Variants in SLIT3 observed in about 807,000 individuals in gnomAD.
The protein encoded by SLIT3 is slit homolog 3 protein.
A neutral mutation model predicts 184.0 loss-of-function variants in SLIT3; 68 were observed. That is an observed-to-expected ratio of 0.37 (90% CI 0.30 to 0.45). The LOEUF (loss-of-function observed/expected upper bound fraction) is 0.45. Ranked by LOEUF, SLIT3 falls within the 20% of genes least tolerant of loss-of-function variation. The pLI is 1.00. For missense variants in SLIT3, 1,707 were observed against 2,026.0 expected (o/e 0.84, Z 3.02); for synonymous variants, 831 against 828.6 (o/e 1.00, Z -0.05).
intron 3 of SLIT3, among the ~76,000 whole-genome samples, chr5:169,222,600 A>G (rs1301587425): frequency 6.6e-6 from 1 of 152,236 alleles, no homozygotes; most frequent in Non-Finnish European, 1.5e-5. Context: ...AGCTACTGAA[A>G]AAAACACCTC....
At position 168,749,493 on chromosome 5, in the gene SLIT3, T is replaced by A. The variant is rs1192527289; in HGVS notation, c.2116A>T (p.Ile706Phe). The A allele has an allele frequency of 1.9e-6, 3 of 1,614,054 alleles. No individual in the cohort carries two copies. In the African/African-American group the frequency reaches 4.0e-5, roughly 22 times the overall value. ...TTACCATCACAGGTGAAGTCCTGGA[T>A]GGCCACATCCTGGATGGGAATCTCC... ...LKEIPIQDVA[I>F]QDFTCDGNEE... The change falls in exon 19 of 36, where the codon ATC becomes TTC. Residue 706 changes from isoleucine (I) to phenylalanine (F), a missense_variant. Around this residue, in one of 3 missense-constraint regions of SLIT3, gnomAD observed 1,307 missense variants for 1,511.6 expected, o/e 0.86. Transcript: ENST00000519560.
chr5:169,032,067 C>T (rs1372837602), intron 4 of SLIT3, among the ~76,000 whole-genome samples: 1 of 152,130 alleles, frequency 6.6e-6, no homozygotes, highest in African/African-American at 2.4e-5. Context: ...GGCCACATAA[C>T]CAACCCCTCT....
intron 4 of SLIT3, among the ~76,000 whole-genome samples, chr5:168,990,240 C>G (rs992924751): frequency 6.6e-6 from 1 of 152,222 alleles, no homozygotes; most frequent in Non-Finnish European, 1.5e-5. Flanking sequence ...TTCCCACAAT[C>G]TCTCCTCTCT....
At chr5:169,176,808 G>T (rs550546799) in intron 4 of SLIT3, among the ~76,000 whole-genome samples, 1 of 152,288 alleles carries the variant, frequency 6.6e-6, no homozygotes, top group South Asian at 2.1e-4. Flanking sequence ...ACAGGCTGTA[G>T]TCTGCCCAGG....
chr5:168,784,922 C>A (rs947605992), intron 12 of SLIT3, among the ~76,000 whole-genome samples: 1 of 150,550 alleles, frequency 6.6e-6, no homozygotes, highest in South Asian at 2.1e-4. Context: ...TGCAAACATA[C>A]ATCATGTGCT....
intron 20 of SLIT3, among the ~76,000 whole-genome samples, chr5:168,743,163 C>T (rs955071630): frequency 9.2e-5 from 14 of 152,104 alleles, no homozygotes; most frequent in Non-Finnish European, 1.6e-4. Context: ...GAGTCTGGGT[C>T]GCGTTCTGTC....
Position 168,710,895 on chromosome 5 carries a change from C to T in SLIT3, c.2719G>A (p.Gly907Arg). Residue 907 changes from glycine (G) to arginine (R), a missense_variant and splice_region_variant, in exon 25 of 36, where the codon GGG (glycine) becomes AGG (arginine). By Grantham distance (125) the Gly-to-Arg change is moderately radical (BLOSUM62 -2). Transcript: ENST00000519560. ...AGGGTGGGGTGTGGGCGTCACCTAC[C>T]TTTGCACTGGAAGCGGTGGGTTGGG... ...TTPTHRFQCKGPVDINIVAKC... is the reference protein window; with the variant it reads ...TTPTHRFQCKRPVDINIVAKC... 2.6e-6 allele frequency: 4 copies of T among 1,538,760 alleles called. No individual in the cohort carries two copies. Among genetic ancestry groups the T allele is most frequent in the Non-Finnish European group, 3.5e-6 (4 of 1,138,442 alleles).
intron 4 of SLIT3, among the ~76,000 whole-genome samples, chr5:168,899,957 G>T (rs554218066): frequency 2.3e-4 from 35 of 152,236 alleles, no homozygotes; most frequent in Non-Finnish European, 1.3e-4. Flanking sequence ...CCACACAGAG[G>T]CCCCGGGAAA....
chr5:169,069,180 T>A (rs1287400162), intron 4 of SLIT3, among the ~76,000 whole-genome samples: 2 of 152,186 alleles, frequency 1.3e-5, no homozygotes, highest in African/African-American at 4.8e-5. Context: ...GAAAGTGAGT[T>A]TGGCACATAT....
At chr5:169,170,305 G>A (rs75957250) in intron 4 of SLIT3, among the ~76,000 whole-genome samples, 4,452 of 152,204 alleles carry the variant, frequency 0.029, 87 homozygotes, top group South Asian at 0.095. Flanking sequence ...AAAAGACTGC[G>A]GAAATATCAA....
intron 9 of SLIT3, among the ~76,000 whole-genome samples, chr5:168,797,458 C>T (rs1302348366): frequency 1.3e-5 from 2 of 152,244 alleles, no homozygotes. Context: ...CTGCTCCCAA[C>T]TGCAGGCCAA....
At chr5:169,044,299 T>C (rs1757548835) in intron 4 of SLIT3, among the ~76,000 whole-genome samples, 2 of 152,140 alleles carry the variant, frequency 1.3e-5, no homozygotes, top group South Asian at 4.1e-4. Context: ...ATATACCTAA[T>C]ACAACTGAAA....
At chr5:168,697,941 C>T (rs898273637) in intron 27 of SLIT3, among the ~76,000 whole-genome samples, 6 of 152,194 alleles carry the variant, frequency 3.9e-5, no homozygotes, top group South Asian at 2.1e-4. Flanking sequence ...GGTGGCTGGT[C>T]GAGGAAAGAG....
At chr5:169,074,046 T>G (rs1312669351) in intron 4 of SLIT3, among the ~76,000 whole-genome samples, 1 of 152,076 alleles carries the variant, frequency 6.6e-6, no homozygotes, top group East Asian at 1.9e-4. Flanking sequence ...GAAGTGGGGA[T>G]TTGGAAAAAT....
At chr5:168,834,413 C>T (rs191188627) in intron 6 of SLIT3, among the ~76,000 whole-genome samples, 3 of 152,020 alleles carry the variant, frequency 2.0e-5, no homozygotes, top group Admixed American at 2.0e-4. Context: ...GAGAAAGGGC[C>T]GGGCACAGTG....
chr5:168,777,107 C>CACT (rs1755788795), intron 12 of SLIT3, among the ~76,000 whole-genome samples: 1 of 12,180 alleles, frequency 8.2e-5, no homozygotes, highest in Non-Finnish European at 1.9e-4. Flanking sequence ...ACACACACAC[C>CACT]CCCCATACCA....
intron 1 of SLIT3, among the ~76,000 whole-genome samples, chr5:169,288,355 G>GTTT (rs11462191): frequency 6.6e-6 from 1 of 151,208 alleles, no homozygotes; most frequent in Non-Finnish European, 1.5e-5. Flanking sequence ...TCCCCCTTGA[G>GTTT]TTTTTTTTTA....
chr5:168,669,771 C>CTTGT lies in SLIT3; in HGVS notation c.4336+11_4336+12insACAA, dbSNP rs766736303. 1 of 1,611,866 alleles carries CTTGT rather than the reference C, an allele frequency of 6.2e-7. No homozygotes were observed. Among genetic ancestry groups the CTTGT allele is most frequent in the Non-Finnish European group, 8.5e-7 (1 of 1,179,056 alleles). On this transcript the variant is annotated intron_variant, in intron 35 of 35. Transcript: ENST00000519560. ...CCCCACTTCCTCCCTCCCACAGGCA[C>CTTGT]AGTAGACCCACCTTGTTGGCAGTGC...
intron 3 of SLIT3, among the ~76,000 whole-genome samples, chr5:169,226,350 T>C (rs1403764091): frequency 1.3e-5 from 2 of 152,034 alleles, no homozygotes; most frequent in Non-Finnish European, 2.9e-5. Context: ...TTTCTTCCCC[T>C]GACCCTTCCC....
Sources: allele counts gnomAD v4.1 joint callset (sites outside exome capture counted in the v4.1 genomes callset), GRCh38; gene constraint gnomAD v4.1.1; regional missense constraint gnomAD v4.1.1; transcripts MANE v1.5; gene names NCBI Gene and HGNC (gene_info 2026-07-23, HGNC 2026-07-21).